Variants in MEIS2 observed in about 807,000 individuals in gnomAD.
MEIS2 encodes the protein homeobox protein Meis2.
In MEIS2, 9 loss-of-function variants were observed where a neutral mutation model predicts 58.6. That is an observed-to-expected ratio of 0.15 (90% CI 0.09 to 0.27). The LOEUF is 0.27. Ranked by LOEUF, MEIS2 falls within the 10% of genes least tolerant of loss-of-function variation. The probability of loss-of-function intolerance (pLI) is 1.00; values close to 1 mark genes in which losing one functional copy is unlikely to be tolerated. For synonymous variants in MEIS2, 221 were observed against 228.4 expected (o/e 0.97, Z 0.29); for missense variants, 427 against 635.0 (o/e 0.67, Z 3.52).
intron 7 of MEIS2, among the ~76,000 whole-genome samples, chr15:37,073,299 A>G (rs1890952527): frequency 6.6e-6 from 1 of 152,004 alleles, no homozygotes; most frequent in Admixed American, 6.6e-5. Flanking sequence ...ACCTGCTTCC[A>G]AAACTGCCGT....
At chr15:37,000,991 A>G (rs1157816520) in intron 8 of MEIS2, among the ~76,000 whole-genome samples, 4 of 151,976 alleles carry the variant, frequency 2.6e-5, no homozygotes, top group Non-Finnish European at 5.9e-5. Context: ...AAGGTCACCA[A>G]TGACTTCCTC....
At chr15:37,038,817 A>G (rs984166324) in intron 7 of MEIS2, among the ~76,000 whole-genome samples, 2 of 152,210 alleles carry the variant, frequency 1.3e-5, no homozygotes, top group Non-Finnish European at 2.9e-5. Flanking sequence ...TGTCGCCTGG[A>G]CAAGGAGACA....
intron 9 of MEIS2, among the ~76,000 whole-genome samples, chr15:36,899,374 A>G (rs937478912): frequency 1.3e-5 from 2 of 152,200 alleles, no homozygotes; most frequent in Non-Finnish European, 2.9e-5. Flanking sequence ...GCCTCCTACC[A>G]GTACTGATGA....
intron 8 of MEIS2, among the ~76,000 whole-genome samples, chr15:36,956,356 A>C (rs2058974872): frequency 6.6e-6 from 1 of 152,134 alleles, no homozygotes; most frequent in Non-Finnish European, 1.5e-5. Flanking sequence ...CTATCCTAAC[A>C]TTTAGTGGAG....
At chr15:37,097,847 C>T (rs1266650725) in intron 2 of MEIS2, 120 bp downstream of exon 2, 1 of 1,393,514 alleles carries the variant, frequency 7.2e-7, no homozygotes, top group East Asian at 2.6e-5. Flanking sequence ...GCAAGCGGCG[C>T]CCGCCCCCCA....
At chr15:36,894,637 T>C (rs185913739) in intron 11 of MEIS2, 5 of 1,225,720 alleles carry the variant, frequency 4.1e-6, no homozygotes, top group African/African-American at 3.0e-5. Flanking sequence ...CAAGGAAAAA[T>C]AAAATGGGGG....
chr15:37,046,158 A>C (rs1311457012), intron 7 of MEIS2, among the ~76,000 whole-genome samples: 1 of 152,246 alleles, frequency 6.6e-6, no homozygotes, highest in Admixed American at 6.5e-5. Context: ...TCCACTGAAG[A>C]GACCGAAAGC....
At chr15:36,914,188 A>G (rs1471498676) in intron 9 of MEIS2, among the ~76,000 whole-genome samples, 1 of 152,228 alleles carries the variant, frequency 6.6e-6, no homozygotes, top group Non-Finnish European at 1.5e-5. Flanking sequence ...CTGAGGATGT[A>G]CATGTGTGGT....
At chr15:37,025,276 C>T (rs779147431) in intron 8 of MEIS2, among the ~76,000 whole-genome samples, 4 of 152,194 alleles carry the variant, frequency 2.6e-5, no homozygotes, top group Non-Finnish European at 5.9e-5. Flanking sequence ...CTAATCTTAG[C>T]TAACCCTCAA....
chr15:37,092,445 T>C (rs1247535939), intron 6 of MEIS2, among the ~76,000 whole-genome samples: 2 of 152,048 alleles, frequency 1.3e-5, no homozygotes, highest in Admixed American at 6.5e-5. Flanking sequence ...TTAATGCCTG[T>C]TTAACTCACA....
intron 8 of MEIS2, among the ~76,000 whole-genome samples, chr15:37,007,741 C>A (rs1034208142): frequency 2.0e-5 from 3 of 152,218 alleles, no homozygotes; most frequent in African/African-American, 4.8e-5. Context: ...CATTCTGATT[C>A]TTTAAAACTT....
chr15:36,972,308 A>T (rs2059597608), intron 8 of MEIS2, among the ~76,000 whole-genome samples: 1 of 152,226 alleles, frequency 6.6e-6, no homozygotes, highest in Non-Finnish European at 1.5e-5. Flanking sequence ...GTGAGCATTA[A>T]CATTAGTCCT....
chr15:37,004,513 C>T lies in MEIS2; in HGVS notation c.900+32301G>A, dbSNP rs1200215627. ...GTCATAGACTCACAGAATAATAGAA[C>T]TGGAAATGGCCTCAATAGATGATTC... On this transcript the variant is annotated intron_variant, in intron 8 of 11. Coordinates refer to ENST00000561208, the MANE Select transcript of MEIS2 (RefSeq NM_170675.5). Among the ~76,000 whole-genome samples, 6 of 152,230 alleles carry T rather than the reference C, an allele frequency of 3.9e-5. No homozygotes were observed. In the South Asian group the frequency reaches 8.3e-4, roughly 21 times the overall value.
At position 36,892,447 on chromosome 15, in the gene MEIS2, A is replaced by G. The variant is rs774482745; in HGVS notation, c.1160T>C (p.Met387Thr). ...MGIRPAGLQS[M>T]PGDYVSQGGP... is the part of the protein sequence containing the mutation. ...ACCCTGAGAAACGTAGTCCCCTGGC[A>G]TGCTCTGCAAACCTGAAAATAGAGA... Residue 387 changes from methionine to threonine, a missense_variant, in exon 12 of 12, where the codon ATG (methionine) becomes ACG (threonine). This residue lies in a region of MEIS2 where 154 missense variants were observed against 148.1 expected (regional missense o/e 1.04). Transcript: ENST00000561208. 12 of 1,612,806 alleles carry G rather than the reference A, an allele frequency of 7.4e-6. No homozygotes were observed. In the East Asian group the frequency reaches 2.5e-4, roughly 33 times the overall value.
chr15:36,995,055 T>C (rs971790268), intron 8 of MEIS2, among the ~76,000 whole-genome samples: 1 of 152,194 alleles, frequency 6.6e-6, no homozygotes, highest in Admixed American at 6.6e-5. Context: ...GTCCATACTT[T>C]TAATATATTT....
chr15:36,934,227 C>G (rs1322126247), intron 9 of MEIS2, among the ~76,000 whole-genome samples: 3 of 151,280 alleles, frequency 2.0e-5, no homozygotes, highest in Non-Finnish European at 4.4e-5. Flanking sequence ...GAAATTTAAA[C>G]ATATTGAAAA....
intron 8 of MEIS2, among the ~76,000 whole-genome samples, chr15:37,022,906 C>A (rs910867694): frequency 2.0e-5 from 3 of 152,196 alleles, no homozygotes; most frequent in African/African-American, 7.2e-5. Flanking sequence ...ACACCCTCCT[C>A]GGCCTCCCAA....
chr15:37,027,201 C>T (rs2061736681), intron 8 of MEIS2, among the ~76,000 whole-genome samples: 1 of 152,200 alleles, frequency 6.6e-6, no homozygotes, highest in South Asian at 2.1e-4. Context: ...ACTTCATAAT[C>T]TGTTCCAAAT....
Position 37,098,381 on chromosome 15 carries a change from A to AGAGAGG in MEIS2, c.13-183_13-182insCCTCTC, listed in dbSNP as rs1555474115. On this transcript the variant is annotated intron_variant, in intron 1 of 11. Coordinates refer to ENST00000561208, the MANE Select transcript of MEIS2 (RefSeq NM_170675.5). Reference sequence around the variant, plus strand: ...GGAGGAGGAAAAGGAGGAGAGGGGGAGAGAGAGAGAGAGAGAGAGAGAGAG... The same window carrying AGAGAGG: ...GGAGGAGGAAAAGGAGGAGAGGGGGAGAGAGGGAGAGAGAGAGAGAGAGAGAGAGAG... 43 of 313,840 alleles carry AGAGAGG rather than the reference A, an allele frequency of 1.4e-4. No individual in the cohort carries two copies. The African/African-American group carries it at 2.6e-3, about 19-fold the overall frequency. The allele number at this position is 313,840 out of a possible 1,614,324, so 19.4% of individuals were successfully genotyped here. A position where few individuals can be genotyped will look rare whatever the true frequency, so the allele number is the denominator to read the frequency against.
Sources: allele counts gnomAD v4.1 joint callset (sites outside exome capture counted in the v4.1 genomes callset), GRCh38; gene constraint gnomAD v4.1.1; regional missense constraint gnomAD v4.1.1; transcripts MANE v1.5; gene names NCBI Gene and HGNC (gene_info 2026-07-23, HGNC 2026-07-21).